Variants in ASCC1 observed in about 807,000 individuals in gnomAD.
ASCC1 encodes ASC-1 complex subunit P50.
In ASCC1, 35 loss-of-function variants were observed where a neutral mutation model predicts 46.6. That is an observed-to-expected ratio of 0.75 (90% CI 0.57 to 0.99). ASCC1 has a LOEUF of 0.99. ASCC1 is among the 50% of genes least tolerant of loss of function. The pLI, the probability that ASCC1 is intolerant of heterozygous loss-of-function variation, is 0.00. For synonymous variants in ASCC1, 143 were observed against 146.6 expected, an observed-to-expected ratio of 0.98 and a Z score of 0.18; for missense variants, 376 against 428.7, an observed-to-expected ratio of 0.88 and a Z score of 1.09.
intron 4 of ASCC1, among the ~76,000 whole-genome samples, chr10:72,203,211 G>A (rs369851667): frequency 1.5e-4 from 23 of 150,224 alleles, no homozygotes; most frequent in Non-Finnish European, 2.5e-4. Context: ...GCTTGATTCC[G>A]GGAGGCGGAG....
intron 5 of ASCC1, among the ~76,000 whole-genome samples, chr10:72,181,387 C>T (rs1852597442): frequency 6.6e-6 from 1 of 152,064 alleles, no homozygotes; most frequent in Non-Finnish European, 1.5e-5. Flanking sequence ...AGACAAGTTA[C>T]ATTCAGTTTT....
intron 8 of ASCC1, among the ~76,000 whole-genome samples, chr10:72,131,358 G>T (rs1845566246): frequency 6.6e-6 from 1 of 151,956 alleles, no homozygotes; most frequent in Admixed American, 6.6e-5. Flanking sequence ...GGCGGAGGTT[G>T]CAGTGAGCTG....
chr10:72,157,334 T>G (rs1014489287), intron 6 of ASCC1, among the ~76,000 whole-genome samples: 1 of 152,162 alleles, frequency 6.6e-6, no homozygotes, highest in African/African-American at 2.4e-5. Flanking sequence ...GTCAAAAAAG[T>G]TTGTTTGAAA....
chr10:72,096,834 C>A lies in ASCC1; in HGVS notation c.*500G>T. On this transcript the variant is annotated 3_prime_UTR_variant, in exon 10 of 10. Coordinates refer to ENST00000672957, the MANE Select transcript of ASCC1 (RefSeq NM_001198800.3). ...CAAAAAGACAAGTCACTGTATGATT[C>A]CACTTATATGAGATACTGAGAATAG... The A allele has an allele frequency of 4.4e-6, 2 of 454,058 alleles. No individual in the cohort carries two copies. The highest frequency in any genetic ancestry group is 3.1e-5 in the South Asian group (2 of 64,468). The allele number at this position is 454,058 out of a possible 1,614,324, so 28.1% of individuals were successfully genotyped here.
chr10:72,203,324 G>T, intron 4 of ASCC1, 103 bp downstream of exon 4: 2 of 872,384 alleles, frequency 2.3e-6, no homozygotes, highest in Non-Finnish European at 3.8e-6. Context: ...CCCATAGCTA[G>T]AACCCCACAG....
At chr10:72,147,149 G>A (rs1047658626) in intron 7 of ASCC1, among the ~76,000 whole-genome samples, 2 of 151,356 alleles carry the variant, frequency 1.3e-5, no homozygotes, top group African/African-American at 4.9e-5. Context: ...TTGTCAGGAA[G>A]AGGAATAGAC....
intron 3 of ASCC1, among the ~76,000 whole-genome samples, chr10:72,206,353 G>A (rs987931653): frequency 2.0e-5 from 3 of 151,986 alleles, no homozygotes; most frequent in African/African-American, 4.8e-5. Context: ...GTGGTGAGCC[G>A]AGATCATGCC....
intron 4 of ASCC1, among the ~76,000 whole-genome samples, chr10:72,199,893 A>G (rs1856252568): frequency 1.3e-5 from 2 of 151,976 alleles, no homozygotes; most frequent in South Asian, 2.1e-4. Flanking sequence ...CACCACACCC[A>G]GCCAATTTTT....
Position 72,196,882 on chromosome 10 carries a change from A to G in ASCC1, c.418T>C (p.Phe140Leu), listed in dbSNP as rs759835418. The change falls in exon 5 of 10, where the codon TTC becomes CTC. Residue 140 changes from phenylalanine (F) to leucine (L), a missense_variant. Coordinates refer to ENST00000672957, the MANE Select transcript of ASCC1 (RefSeq NM_001198800.3). ...KQPFTHFLAFFLNEVEVQEGF... is the reference protein window; with the variant it reads ...KQPFTHFLAFLLNEVEVQEGF... Reference sequence around the variant, plus strand: ...TCCTGAACCTCAACTTCATTGAGGAAAAAGGCAAGGAAGTGAGTGAAGGGC... The same window carrying G: ...TCCTGAACCTCAACTTCATTGAGGAGAAAGGCAAGGAAGTGAGTGAAGGGC... 1 of 1,613,636 alleles carries G rather than the reference A, an allele frequency of 6.2e-7. No homozygotes were observed. The highest frequency in any genetic ancestry group is 8.5e-7 in the Non-Finnish European group (1 of 1,179,998).
intron 9 of ASCC1, among the ~76,000 whole-genome samples, chr10:72,105,132 C>G (rs949453751): frequency 1.3e-5 from 2 of 152,172 alleles, no homozygotes; most frequent in African/African-American, 4.8e-5. Flanking sequence ...AGTTCAGGAC[C>G]CATTGGGTGC....
chr10:72,141,356 T>A (rs1846990703), intron 7 of ASCC1, among the ~76,000 whole-genome samples: 4 of 152,200 alleles, frequency 2.6e-5, no homozygotes, highest in Admixed American at 2.6e-4. Flanking sequence ...TATTCTCTAT[T>A]CTACAGATGT....
chr10:72,173,741 T>C (rs937324026), intron 5 of ASCC1, among the ~76,000 whole-genome samples: 1 of 146,052 alleles, frequency 6.8e-6, no homozygotes, highest in African/African-American at 2.8e-5. Context: ...ACTGTTTTTC[T>C]TTGCTCGGAA....
intron 5 of ASCC1, among the ~76,000 whole-genome samples, chr10:72,194,733 GTTTTGT>G (rs536089956): frequency 1.7e-3 from 262 of 152,090 alleles, no homozygotes; most frequent in African/African-American, 6.1e-3. Context: ...TTTTTGTTTT[GTTTTGT>G]TTTTGTTTGT....
At chr10:72,187,037 T>A (rs189605173) in intron 5 of ASCC1, among the ~76,000 whole-genome samples, 3 of 151,902 alleles carry the variant, frequency 2.0e-5, no homozygotes, top group African/African-American at 7.2e-5. Flanking sequence ...ATACAATGAC[T>A]GAGCTTCAAC....
At chr10:72,129,418 C>T (rs1038693285) in intron 8 of ASCC1, among the ~76,000 whole-genome samples, 14 of 152,068 alleles carry the variant, frequency 9.2e-5, no homozygotes, top group African/African-American at 2.7e-4. Flanking sequence ...GTCTGTAATC[C>T]CAACACTTTG....
intron 9 of ASCC1, among the ~76,000 whole-genome samples, chr10:72,117,589 T>C (rs1265878343): frequency 6.6e-6 from 1 of 152,242 alleles, no homozygotes; most frequent in Non-Finnish European, 1.5e-5. Context: ...TGTGAGTGCA[T>C]ATATGTAATC....
intron 7 of ASCC1, among the ~76,000 whole-genome samples, chr10:72,136,060 C>T (rs1846149674): frequency 6.6e-6 from 1 of 152,116 alleles, no homozygotes; most frequent in Non-Finnish European, 1.5e-5. Flanking sequence ...TCTCACTCTG[C>T]TGCCCAGGCT....
chr10:72,211,103 A>G (rs1285415901), intron 2 of ASCC1, among the ~76,000 whole-genome samples: 2 of 152,174 alleles, frequency 1.3e-5, no homozygotes, highest in African/African-American at 4.8e-5. Context: ...AGTTCCCCCC[A>G]TCTGTGGTTT....
Position 72,138,746 on chromosome 10 carries a change from G to A in ASCC1, c.747-5565C>T, listed in dbSNP as rs186163735. On this transcript the variant is annotated intron_variant, in intron 7 of 9. Transcript: ENST00000672957. The stretch of plus-strand genomic sequence containing the variant: ...GCCACCACACCCAGCTAATTTTTGT[G>A]TTTTTAGCAGAGATGGGGTTTTGCC... Among the ~76,000 whole-genome samples, 433 of 151,666 alleles carry A rather than the reference G, an allele frequency of 2.9e-3. 2 individuals carry two copies. The highest frequency in any genetic ancestry group is 1.0e-2 in the African/African-American group (412 of 41,358).
Sources: allele counts gnomAD v4.1 joint callset (sites outside exome capture counted in the v4.1 genomes callset), GRCh38; gene constraint gnomAD v4.1.1; transcripts MANE v1.5; gene names NCBI Gene and HGNC (gene_info 2026-07-23, HGNC 2026-07-21).